Variants in PSMD14 observed in about 807,000 individuals in gnomAD.
The protein encoded by PSMD14 is ubiquitin C-terminal hydrolase PSMD14.
In PSMD14, 7 loss-of-function variants were observed where a neutral mutation model predicts 41.2. The ratio of observed to expected loss-of-function variants is 0.17; its 90% CI spans 0.10 to 0.32. PSMD14 has a LOEUF of 0.32. Ranked by LOEUF, PSMD14 falls within the 10% of genes least tolerant of loss-of-function variation. The pLI is 1.00. For synonymous variants in PSMD14, 114 were observed against 122.3 expected (o/e 0.93, Z 0.45); for missense variants, 139 against 375.6 (o/e 0.37, Z 5.21).
rs150261378 is a variant in PSMD14 at position 161,348,061 on chromosome 2, C to T, written c.49-19417C>T. The stretch of plus-strand genomic sequence containing the variant: ...AAACATTAGTAGAAGCAGAAATGTA[C>T]CATAAACATGTATATGCTAGTGAGA... On this transcript the variant is annotated intron_variant, in intron 3 of 11. Transcript: ENST00000409682. Among the ~76,000 whole-genome samples, 540 of 152,180 alleles carry T rather than the reference C, an allele frequency of 3.5e-3. 1 individual carries two copies. The highest frequency in any genetic ancestry group is 5.7e-3 in the Non-Finnish European group (389 of 67,992).
At chr2:161,381,026 T>C (rs185941920) in intron 7 of PSMD14, among the ~76,000 whole-genome samples, 7 of 152,108 alleles carry the variant, frequency 4.6e-5, no homozygotes, top group Admixed American at 6.6e-5. Flanking sequence ...TTCATTTTTA[T>C]AATCATTTAG....
chr2:161,358,593 A>G (rs1394709651), intron 3 of PSMD14, among the ~76,000 whole-genome samples: 6 of 152,100 alleles, frequency 3.9e-5, no homozygotes, highest in Non-Finnish European at 7.4e-5. Flanking sequence ...CTCCTACTCT[A>G]CATTTCCCCT....
At chr2:161,331,740 TG>T (rs1423398129) in intron 3 of PSMD14, among the ~76,000 whole-genome samples, 4 of 152,192 alleles carry the variant, frequency 2.6e-5, no homozygotes, top group African/African-American at 9.7e-5. Flanking sequence ...TTTTGAAATG[TG>T]TATTAAAATT....
chr2:161,329,237 T>C (rs1682751928), intron 3 of PSMD14, among the ~76,000 whole-genome samples: 1 of 152,164 alleles, frequency 6.6e-6, no homozygotes. Context: ...AATTACAGAT[T>C]ATTGTTCTAT....
intron 3 of PSMD14, among the ~76,000 whole-genome samples, chr2:161,334,978 G>A (rs771990416): frequency 6.6e-6 from 1 of 152,212 alleles, no homozygotes; most frequent in Non-Finnish European, 1.5e-5. Flanking sequence ...AGTGAAATTA[G>A]GGTAGTGGTC....
At chr2:161,358,537 G>A (rs931130261) in intron 3 of PSMD14, among the ~76,000 whole-genome samples, 1 of 152,172 alleles carries the variant, frequency 6.6e-6, no homozygotes, top group Non-Finnish European at 1.5e-5. Flanking sequence ...CTGAAACTTT[G>A]TGTCTCTGCC....
intron 10 of PSMD14, among the ~76,000 whole-genome samples, chr2:161,402,475 C>T (rs1683893783): frequency 6.6e-6 from 1 of 151,872 alleles, no homozygotes; most frequent in Admixed American, 6.6e-5. Flanking sequence ...CCTGTCTCTA[C>T]ACAAACACAC....
At chr2:161,341,041 C>T (rs1682948527) in intron 3 of PSMD14, 1 of 1,601,726 alleles carries the variant, frequency 6.2e-7, no homozygotes, top group Non-Finnish European at 8.5e-7. Flanking sequence ...GCGGGATCCC[C>T]TGGCCCTTCG....
intron 1 of PSMD14, among the ~76,000 whole-genome samples, chr2:161,315,912 C>T (rs1280858721): frequency 2.1e-5 from 3 of 146,136 alleles, no homozygotes; most frequent in African/African-American, 5.1e-5. Flanking sequence ...GGCGCGTTCT[C>T]GGCTCATTGC....
At chr2:161,389,565 T>G (rs748767621) in intron 8 of PSMD14, among the ~76,000 whole-genome samples, 5 of 152,132 alleles carry the variant, frequency 3.3e-5, no homozygotes, top group Non-Finnish European at 5.9e-5. Context: ...CTGCTCCCTA[T>G]GGAATTTCAT....
chr2:161,314,518 T>A (rs1353200240), intron 1 of PSMD14, among the ~76,000 whole-genome samples: 1 of 152,176 alleles, frequency 6.6e-6, no homozygotes, highest in African/African-American at 2.4e-5. Flanking sequence ...GGTAAAAAAA[T>A]ATCTTAGCAA....
intron 3 of PSMD14, among the ~76,000 whole-genome samples, chr2:161,351,158 C>G (rs1683113553): frequency 6.6e-6 from 1 of 152,164 alleles, no homozygotes; most frequent in Non-Finnish European, 1.5e-5. Context: ...TGTAGTGACT[C>G]AAGGGGATGG....
chr2:161,333,372 C>G (rs761634359), intron 3 of PSMD14, among the ~76,000 whole-genome samples: 2 of 152,222 alleles, frequency 1.3e-5, no homozygotes, highest in Non-Finnish European at 2.9e-5. Flanking sequence ...TTTGGCCAGA[C>G]TTCTGGGTTA....
Position 161,403,389 on chromosome 2 carries a change from A to G in PSMD14, c.772-5448A>G, listed in dbSNP as rs916639437. 3.9e-5 allele frequency among the ~76,000 whole-genome samples: 6 copies of G among 152,216 alleles called. No homozygotes were observed. The South Asian group carries it at 1.2e-3, about 32-fold the overall frequency. ...ATGTGTGGTTGCCAGGGACTTGGGCAAGGCAGGAATGGGGAGGTAACAGCT... is the reference window on the plus strand; with the variant it reads ...ATGTGTGGTTGCCAGGGACTTGGGCGAGGCAGGAATGGGGAGGTAACAGCT... On this transcript the variant is annotated intron_variant, in intron 10 of 11. Coordinates refer to ENST00000409682, the MANE Select transcript of PSMD14 (RefSeq NM_005805.6).
At chr2:161,323,581 TG>T (rs1246360643) in intron 3 of PSMD14, among the ~76,000 whole-genome samples, 1 of 152,076 alleles carries the variant, frequency 6.6e-6, no homozygotes, top group Admixed American at 6.6e-5. Context: ...GAGAATCACT[TG>T]AACCCAGGAG....
intron 3 of PSMD14, among the ~76,000 whole-genome samples, chr2:161,340,510 TTGAG>T (rs1483970171): frequency 6.6e-6 from 1 of 152,158 alleles, no homozygotes; most frequent in Non-Finnish European, 1.5e-5. Context: ...GATAGCAAGT[TTGAG>T]TGGTAAGAAA....
chr2:161,330,957 G>A (rs1013443827), intron 3 of PSMD14, among the ~76,000 whole-genome samples: 1 of 152,104 alleles, frequency 6.6e-6, no homozygotes, highest in Non-Finnish European at 1.5e-5. Flanking sequence ...TGAGTTATTA[G>A]AAGGAAAATG....
At chr2:161,401,402 G>A (rs1683876112) in intron 10 of PSMD14, among the ~76,000 whole-genome samples, 1 of 152,200 alleles carries the variant, frequency 6.6e-6, no homozygotes, top group South Asian at 2.1e-4. Flanking sequence ...AGGGTCAACT[G>A]TACATCTCAT....
At chr2:161,388,286 T>C (rs1683658847) in intron 8 of PSMD14, among the ~76,000 whole-genome samples, 1 of 152,032 alleles carries the variant, frequency 6.6e-6, no homozygotes, top group African/African-American at 2.4e-5. Context: ...ACTGAACATA[T>C]AAGTTATAAA....
Sources: allele counts gnomAD v4.1 joint callset (sites outside exome capture counted in the v4.1 genomes callset), GRCh38; gene constraint gnomAD v4.1.1; transcripts MANE v1.5; gene names NCBI Gene and HGNC (gene_info 2026-07-23, HGNC 2026-07-21).